The following ARSB variants were observed in gnomAD, a reference collection of about 807,000 sequenced individuals.
The protein encoded by ARSB is arylsulfatase B.
A neutral mutation model predicts 50.9 loss-of-function variants in ARSB; 41 were observed. That is an observed-to-expected ratio of 0.81 (90% CI 0.63 to 1.04). ARSB has a LOEUF of 1.04. Ranked by LOEUF, ARSB falls within the 50% of genes least tolerant of loss-of-function variation. The probability of loss-of-function intolerance (pLI) is 0.00; values close to 1 mark genes in which losing one functional copy is unlikely to be tolerated. For synonymous variants in ARSB, 269 were observed against 284.8 expected (o/e 0.94, Z 0.56); for missense variants, 672 against 693.3 (o/e 0.97, Z 0.35).
At chr5:78,949,876 C>T (rs908863206) in intron 4 of ARSB, among the ~76,000 whole-genome samples, 2 of 152,194 alleles carry the variant, frequency 1.3e-5, no homozygotes, top group African/African-American at 4.8e-5. Context: ...TGCTACTGTA[C>T]TCCAGCCTGA....
At chr5:78,901,047 G>GAAAAA (rs71001135) in intron 4 of ARSB, among the ~76,000 whole-genome samples, 2 of 115,208 alleles carry the variant, frequency 1.7e-5, no homozygotes, top group Non-Finnish European at 3.4e-5. Context: ...TCCGTCTCAG[G>GAAAAA]AAAAAAAAAA....
intron 4 of ARSB, among the ~76,000 whole-genome samples, chr5:78,942,145 T>G (rs1426794557): frequency 6.6e-6 from 1 of 152,234 alleles, no homozygotes; most frequent in East Asian, 1.9e-4. Context: ...TTATCATTTT[T>G]TATTGCATCT....
At chr5:78,790,798 A>C (rs1158038156) in intron 6 of ARSB, among the ~76,000 whole-genome samples, 3 of 152,180 alleles carry the variant, frequency 2.0e-5, no homozygotes, top group Non-Finnish European at 4.4e-5. Flanking sequence ...AAAAATCACT[A>C]TTATATCAGA....
chr5:78,816,250 C>G, intron 6 of ARSB: 1 of 1,539,282 alleles, frequency 6.5e-7, no homozygotes, highest in South Asian at 1.2e-5. Flanking sequence ...CAAGGACTGT[C>G]TCCTTCATTA....
intron 5 of ARSB, among the ~76,000 whole-genome samples, chr5:78,849,604 A>T (rs1206588215): frequency 7.9e-5 from 12 of 151,342 alleles, no homozygotes; most frequent in African/African-American, 2.9e-4. Flanking sequence ...GAAGAAAGTC[A>T]TTGGTAGCTT....
At chr5:78,828,850 G>A (rs1581010779) in intron 6 of ARSB, among the ~76,000 whole-genome samples, 1 of 152,318 alleles carries the variant, frequency 6.6e-6, no homozygotes, top group Non-Finnish European at 1.5e-5. Context: ...CTAATCAGCT[G>A]ACTTTCAAAT....
intron 4 of ARSB, among the ~76,000 whole-genome samples, chr5:78,953,305 T>G (rs756647516): frequency 4.6e-5 from 7 of 152,254 alleles, no homozygotes; most frequent in African/African-American, 7.2e-5. Flanking sequence ...GATCATCATC[T>G]GGGAGGCAGG....
intron 4 of ARSB, among the ~76,000 whole-genome samples, chr5:78,935,847 C>G (rs989777013): frequency 1.3e-5 from 2 of 152,030 alleles, no homozygotes; most frequent in Non-Finnish European, 2.9e-5. Flanking sequence ...GAGTGTTGGA[C>G]TCAGGCCATC....
intron 5 of ARSB, among the ~76,000 whole-genome samples, chr5:78,850,888 G>T (rs1745738214): frequency 6.6e-6 from 1 of 152,184 alleles, no homozygotes; most frequent in South Asian, 2.1e-4. Context: ...TTGTATTTCT[G>T]TGGTATCAGT....
At chr5:78,792,538 TC>T (rs1481182999) in intron 6 of ARSB, among the ~76,000 whole-genome samples, 1 of 152,214 alleles carries the variant, frequency 6.6e-6, no homozygotes, top group Non-Finnish European at 1.5e-5. Context: ...TAGAACAAGC[TC>T]TTTTTCTTAT....
intron 3 of ARSB, 61 bp from the exon 4 acceptor site, chr5:78,955,563 T>C (rs1561525076): frequency 1.2e-5 from 16 of 1,367,092 alleles, no homozygotes; most frequent in Non-Finnish European, 1.7e-5. Context: ...TATAGAAGGA[T>C]AAGACAGTTC....
intron 6 of ARSB, among the ~76,000 whole-genome samples, chr5:78,820,124 A>G (rs1330702003): frequency 6.6e-6 from 1 of 152,212 alleles, no homozygotes; most frequent in African/African-American, 2.4e-5. Flanking sequence ...CTCCTCTGGA[A>G]GATGCAGCCA....
At chr5:78,783,807 G>A (rs6453415) in intron 6 of ARSB, among the ~76,000 whole-genome samples, 39,018 of 151,882 alleles carry the variant, frequency 0.26, 6,944 homozygotes, top group African/African-American at 0.5. Context: ...TTTTTCTTAA[G>A]ACAAACAGGA....
intron 6 of ARSB, 97 bp downstream of exon 6, chr5:78,839,259 G>A: frequency 8.2e-7 from 1 of 1,222,066 alleles, no homozygotes; most frequent in Admixed American, 1.7e-5. Flanking sequence ...TAGCAACTCA[G>A]GAAAAAAGAG....
Position 78,984,927 on chromosome 5 carries a change from C to T in ARSB, c.312+10G>A. ...GCGGGGGCGGCGCGGGCGGCGGGGG[C>T]GCCGCGTACCTGGTAGCGGCCAGTG... On this transcript the variant is annotated intron_variant, in intron 1 of 7. Coordinates refer to ENST00000264914, the MANE Select transcript of ARSB (RefSeq NM_000046.5). The T allele has an allele frequency of 7.5e-7, 1 of 1,338,220 alleles. No individual in the cohort carries two copies. Among genetic ancestry groups the T allele is most frequent in the African/African-American group, 1.5e-5 (1 of 66,120 alleles). 82.9% of individuals were successfully genotyped at this position (1,338,220 alleles called of 1,614,324 possible).
intron 1 of ARSB, among the ~76,000 whole-genome samples, chr5:78,972,991 G>C (rs544779325): frequency 7.2e-5 from 11 of 152,200 alleles, no homozygotes; most frequent in African/African-American, 2.4e-4. Flanking sequence ...ACATGTTTTC[G>C]GTCTGTTCAA....
intron 3 of ARSB, 60 bp from the exon 4 acceptor site, chr5:78,955,562 A>G (rs1751687889): frequency 5.8e-6 from 8 of 1,374,714 alleles, no homozygotes; most frequent in South Asian, 1.2e-5. Context: ...ATATAGAAGG[A>G]TAAGACAGTT....
At chr5:78,867,734 G>A (rs10942876) in intron 5 of ARSB, among the ~76,000 whole-genome samples, 18,723 of 151,082 alleles carry the variant, frequency 0.12, 1,349 homozygotes, top group Middle Eastern at 0.2. Context: ...GAAAAACTGG[G>A]AACTCTAAAA....
rs570943655 is a variant in ARSB at position 78,938,828 on chromosome 5, A to C, written c.898+16467T>G. 4.6e-5 allele frequency among the ~76,000 whole-genome samples: 7 copies of C among 152,344 alleles called. No homozygotes were observed. The South Asian group carries it at 1.5e-3, about 32-fold the overall frequency. On this transcript the variant is annotated intron_variant, in intron 4 of 7. Coordinates refer to ENST00000264914, the MANE Select transcript of ARSB (RefSeq NM_000046.5). Reference sequence around the variant, plus strand: ...GTGAAAGCTCAGATAATAAGTGCTAAAAGTTTAGACTCTGCAATAAATTGC... The same window carrying C: ...GTGAAAGCTCAGATAATAAGTGCTACAAGTTTAGACTCTGCAATAAATTGC...
Sources: gnomAD v4.1 joint callset for allele counts (sites outside exome capture counted in the v4.1 genomes callset) on GRCh38, gnomAD v4.1.1 for gene constraint, MANE v1.5 for transcripts, NCBI Gene and HGNC (gene_info 2026-07-23, HGNC 2026-07-21) for gene names.